Variants in ERBB4 observed in about 807,000 individuals in gnomAD.
ERBB4 encodes receptor tyrosine-protein kinase erbB-4.
A neutral mutation model predicts 158.0 loss-of-function variants in ERBB4; 42 were observed. The observed-to-expected ratio is 0.27, with a 90% CI of 0.21 to 0.34. The LOEUF is 0.34. Among genes scored for constraint, ERBB4 ranks in the 10% least tolerant of loss-of-function variants. The pLI, the probability that ERBB4 is intolerant of heterozygous loss-of-function variation, is 1.00. For synonymous variants in ERBB4, 583 were observed against 558.7 expected (o/e 1.04, Z -0.61); for missense variants, 1,333 against 1,624.1 (o/e 0.82, Z 3.08).
At chr2:211,781,829 G>T (rs569575871) in intron 4 of ERBB4, among the ~76,000 whole-genome samples, 1 of 152,196 alleles carries the variant, frequency 6.6e-6, no homozygotes, top group East Asian at 1.9e-4. Context: ...AATCTTTCAG[G>T]CAGGAGCACA....
intron 1 of ERBB4, among the ~76,000 whole-genome samples, chr2:212,492,910 A>T (rs545726992): frequency 6.6e-6 from 1 of 151,654 alleles, no homozygotes; most frequent in Admixed American, 6.6e-5. Flanking sequence ...TTTACTCCAT[A>T]CAGTAGTCAT....
intron 20 of ERBB4, among the ~76,000 whole-genome samples, chr2:211,460,770 A>G (rs4525624): frequency 0.17 from 26,269 of 152,116 alleles, 2,658 homozygotes; most frequent in East Asian, 0.41. Flanking sequence ...AAAAAAATCA[A>G]TGTTTATTAA....
intron 1 of ERBB4, among the ~76,000 whole-genome samples, chr2:212,287,529 C>G (rs1256495523): frequency 6.6e-6 from 1 of 151,926 alleles, no homozygotes; most frequent in African/African-American, 2.4e-5. Context: ...ATCCCTCTGC[C>G]TACTCCAAAC....
intron 2 of ERBB4, among the ~76,000 whole-genome samples, chr2:212,030,211 G>A (rs1318126919): frequency 2.0e-5 from 3 of 152,030 alleles, no homozygotes; most frequent in Non-Finnish European, 2.9e-5. Flanking sequence ...AATCCTTTCA[G>A]TTCTACTTCA....
chr2:212,160,966 G>A (rs2081186460), intron 1 of ERBB4, among the ~76,000 whole-genome samples: 1 of 151,912 alleles, frequency 6.6e-6, no homozygotes, highest in Non-Finnish European at 1.5e-5. Context: ...AAGAAGCACT[G>A]CAAATGATAA....
At chr2:211,455,979 G>A (rs757899994) in intron 20 of ERBB4, among the ~76,000 whole-genome samples, 1 of 152,164 alleles carries the variant, frequency 6.6e-6, no homozygotes, top group Non-Finnish European at 1.5e-5. Flanking sequence ...CAGGCATTAA[G>A]TATGTGATAA....
intron 2 of ERBB4, among the ~76,000 whole-genome samples, chr2:211,985,622 A>T (rs1027748668): frequency 6.6e-6 from 1 of 152,118 alleles, no homozygotes; most frequent in Admixed American, 6.5e-5. Flanking sequence ...CAGTTCCATA[A>T]AACTAGTGTC....
chr2:212,083,266 ATCTG>A (rs1480296451), intron 2 of ERBB4, among the ~76,000 whole-genome samples: 5 of 151,996 alleles, frequency 3.3e-5, no homozygotes, highest in African/African-American at 1.2e-4. Flanking sequence ...GTTTCATAAA[ATCTG>A]TCTTACAATA....
intron 2 of ERBB4, among the ~76,000 whole-genome samples, chr2:212,112,836 T>C (rs1289186925): frequency 6.6e-6 from 1 of 152,232 alleles, no homozygotes; most frequent in Non-Finnish European, 1.5e-5. Flanking sequence ...ATAAATACTG[T>C]TTCTTTTTAT....
chr2:211,867,663 G>C (rs1319285282), intron 3 of ERBB4, among the ~76,000 whole-genome samples: 2 of 152,014 alleles, frequency 1.3e-5, no homozygotes, highest in African/African-American at 2.4e-5. Flanking sequence ...TGAACTCCTG[G>C]GTGATCATCC....
chr2:211,919,774 A>G (rs1019658770), intron 3 of ERBB4, among the ~76,000 whole-genome samples: 1 of 152,058 alleles, frequency 6.6e-6, no homozygotes, highest in African/African-American at 2.4e-5. Context: ...AACAGACCCC[A>G]GAAAGTAGCT....
chr2:212,460,834 T>A (rs1421233228), intron 1 of ERBB4, among the ~76,000 whole-genome samples: 3 of 151,882 alleles, frequency 2.0e-5, no homozygotes, highest in African/African-American at 7.3e-5. Context: ...ACCAAGACAA[T>A]GAGGAAAATG....
chr2:212,478,013 A>C (rs752361754), intron 1 of ERBB4, among the ~76,000 whole-genome samples: 19 of 152,144 alleles, frequency 1.2e-4, no homozygotes, highest in Non-Finnish European at 2.8e-4. Context: ...TTACAAGAAT[A>C]ATCTTTATTA....
At chr2:212,431,445 C>T (rs1200632936) in intron 1 of ERBB4, among the ~76,000 whole-genome samples, 1 of 151,894 alleles carries the variant, frequency 6.6e-6, no homozygotes, top group African/African-American at 2.4e-5. Context: ...TGCTTCTCAC[C>T]ACCCCCACTG....
At chr2:211,576,745 T>G (rs1178515317) in intron 19 of ERBB4, among the ~76,000 whole-genome samples, 7 of 152,112 alleles carry the variant, frequency 4.6e-5, no homozygotes, top group South Asian at 2.1e-4. Context: ...TAATTATAAT[T>G]ATAAATGTAT....
chr2:212,388,811 C>A (rs1016038633), intron 1 of ERBB4, among the ~76,000 whole-genome samples: 2 of 152,082 alleles, frequency 1.3e-5, no homozygotes, highest in African/African-American at 4.8e-5. Flanking sequence ...AGAGCCTTGA[C>A]TTACTTTGTA....
At chr2:211,777,237 C>G (rs1430935006) in intron 4 of ERBB4, 1 of 152,144 alleles carries the variant, frequency 6.6e-6, no homozygotes, top group Non-Finnish European at 1.5e-5. Context: ...AAACTAGCCC[C>G]TATCTCAATT....
At chr2:211,817,727 C>G (rs2105932883) in intron 3 of ERBB4, among the ~76,000 whole-genome samples, 1 of 152,194 alleles carries the variant, frequency 6.6e-6, no homozygotes, top group Non-Finnish European at 1.5e-5. Flanking sequence ...GTGAGATGTG[C>G]CACTTCTGGA....
chr2:212,443,815 T>A (rs191508430), intron 1 of ERBB4, among the ~76,000 whole-genome samples: 1 of 152,196 alleles, frequency 6.6e-6, no homozygotes, highest in Non-Finnish European at 1.5e-5. Context: ...GGCCCTGCCA[T>A]GTTCTGCAGA....
Sources: allele counts gnomAD v4.1 joint callset (sites outside exome capture counted in the v4.1 genomes callset), GRCh38; gene constraint gnomAD v4.1.1; transcripts MANE v1.5; gene names NCBI Gene and HGNC (gene_info 2026-07-23, HGNC 2026-07-21).